Variants in PLCL1 observed in about 807,000 individuals in gnomAD.
PLCL1 encodes the protein inactive phospholipase C-like protein 1.
In PLCL1, 41 loss-of-function variants were observed where a neutral mutation model predicts 84.4. That is an observed-to-expected ratio of 0.49 (90% CI 0.38 to 0.63). The LOEUF is 0.63. Among genes scored for constraint, PLCL1 ranks in the 30% least tolerant of loss-of-function variants. The pLI, the probability that PLCL1 is intolerant of heterozygous loss-of-function variation, is 0.00. For synonymous variants in PLCL1, 490 were observed against 488.3 expected, an observed-to-expected ratio of 1.00 and a Z score of -0.05; for missense variants, 1,206 against 1,367.8, an observed-to-expected ratio of 0.88 and a Z score of 1.87.
intron 1 of PLCL1, among the ~76,000 whole-genome samples, chr2:197,819,240 G>A (rs940611201): frequency 1.2e-4 from 19 of 152,068 alleles, no homozygotes; most frequent in African/African-American, 4.6e-4. Flanking sequence ...AAAGGGAGAA[G>A]TGGGTAGAGT....
intron 1 of PLCL1, among the ~76,000 whole-genome samples, chr2:198,082,308 G>A (rs1692733958): frequency 6.6e-6 from 1 of 152,112 alleles, no homozygotes; most frequent in Non-Finnish European, 1.5e-5. Context: ...CAAGAACATG[G>A]TGGCACGTTC....
At chr2:198,119,886 G>A (rs1034515372) in intron 5 of PLCL1, among the ~76,000 whole-genome samples, 1 of 151,916 alleles carries the variant, frequency 6.6e-6, no homozygotes, top group Admixed American at 6.6e-5. Flanking sequence ...AAGATGATGC[G>A]ACTAACTAGT....
At chr2:197,987,884 A>G (rs1690250073) in intron 1 of PLCL1, among the ~76,000 whole-genome samples, 1 of 152,210 alleles carries the variant, frequency 6.6e-6, no homozygotes, top group African/African-American at 2.4e-5. Context: ...TGTAAACTGA[A>G]TGAATGAATT....
chr2:198,088,313 T>C (rs1339854056), intron 2 of PLCL1, among the ~76,000 whole-genome samples: 1 of 152,210 alleles, frequency 6.6e-6, no homozygotes, highest in African/African-American at 2.4e-5. Flanking sequence ...TACTGTTCAC[T>C]GTGGGTGAAA....
chr2:198,087,891 C>T (rs2105900866), intron 2 of PLCL1, among the ~76,000 whole-genome samples: 1 of 152,244 alleles, frequency 6.6e-6, no homozygotes, highest in African/African-American at 2.4e-5. Flanking sequence ...CATTATCATT[C>T]ATGTGCAGAA....
In PLCL1 at chr2:198,082,813, T is replaced by C. The variant is rs77858375; in HGVS notation, c.241-945T>C. On this transcript the variant is annotated intron_variant, in intron 1 of 5. Coordinates refer to ENST00000428675, the MANE Select transcript of PLCL1 (RefSeq NM_006226.4). ...AGGACGATAGGTGAGAAGGCCTAGA[T>C]ACAATCAAGAAGGAAACAGCCTCAA... Among the ~76,000 whole-genome samples, 986 of 152,250 alleles carry C rather than the reference T, an allele frequency of 6.5e-3. 10 individuals carry two copies. Among genetic ancestry groups the C allele is most frequent in the African/African-American group, 0.023 (938 of 41,546 alleles).
chr2:197,872,044 A>G (rs866382438), intron 1 of PLCL1, among the ~76,000 whole-genome samples: 2 of 152,148 alleles, frequency 1.3e-5, no homozygotes, highest in African/African-American at 2.4e-5. Context: ...TGTAGACACT[A>G]AATTCCAGTC....
intron 1 of PLCL1, among the ~76,000 whole-genome samples, chr2:197,867,777 G>T (rs543405836): frequency 6.6e-6 from 1 of 152,094 alleles, no homozygotes; most frequent in Non-Finnish European, 1.5e-5. Context: ...GATTTCTAGC[G>T]TGGCTCACTG....
chr2:197,939,343 C>A (rs1030019825), intron 1 of PLCL1, among the ~76,000 whole-genome samples: 1 of 152,112 alleles, frequency 6.6e-6, no homozygotes, highest in Non-Finnish European at 1.5e-5. Context: ...GGGTTGCCTC[C>A]GCAATTACAA....
In PLCL1 at chr2:198,055,781, A is replaced by G. The variant is rs541825012; in HGVS notation, c.241-27977A>G. Reference sequence around the variant, plus strand: ...CTTTTTCTTTCCTTTTAAATAAATGATGAAAGCTCCAGTGCTGTCATAAAA... The same window carrying G: ...CTTTTTCTTTCCTTTTAAATAAATGGTGAAAGCTCCAGTGCTGTCATAAAA... On this transcript the variant is annotated intron_variant, in intron 1 of 5. Transcript: ENST00000428675. Among the ~76,000 whole-genome samples, 4 of 152,290 alleles carry G rather than the reference A, an allele frequency of 2.6e-5. No individual in the cohort carries two copies. In the East Asian group the frequency reaches 7.7e-4, roughly 29 times the overall value.
At chr2:197,874,683 CTT>C (rs764125078) in intron 1 of PLCL1, among the ~76,000 whole-genome samples, 14 of 152,164 alleles carry the variant, frequency 9.2e-5, no homozygotes, top group Admixed American at 4.6e-4. Context: ...ATTTAATAGA[CTT>C]TTGTGTTATG....
intron 1 of PLCL1, among the ~76,000 whole-genome samples, chr2:198,035,558 G>T (rs1434910812): frequency 6.6e-6 from 1 of 152,100 alleles, no homozygotes; most frequent in African/African-American, 2.4e-5. Flanking sequence ...ATGTCAAAAG[G>T]ACACACGAGC....
chr2:197,862,734 G>A (rs962823885), intron 1 of PLCL1, among the ~76,000 whole-genome samples: 4 of 152,142 alleles, frequency 2.6e-5, no homozygotes, highest in Admixed American at 6.6e-5. Flanking sequence ...CCTGAGATTA[G>A]ATCTGTTTAG....
chr2:198,108,789 G>C (rs1370724669), intron 5 of PLCL1, among the ~76,000 whole-genome samples: 3 of 151,900 alleles, frequency 2.0e-5, no homozygotes, highest in African/African-American at 7.2e-5. Flanking sequence ...ACCTACGTGG[G>C]TCCAGTATAG....
chr2:197,924,599 A>T (rs1688797812), intron 1 of PLCL1, among the ~76,000 whole-genome samples: 1 of 152,062 alleles, frequency 6.6e-6, no homozygotes, highest in Non-Finnish European at 1.5e-5. Context: ...TAGACCAGGG[A>T]ACTGAAGTAC....
chr2:197,992,343 C>T (rs981027518), intron 1 of PLCL1, among the ~76,000 whole-genome samples: 4 of 152,106 alleles, frequency 2.6e-5, no homozygotes, highest in African/African-American at 9.7e-5. Context: ...TGGCTCACTG[C>T]AGCCTTGACC....
intron 1 of PLCL1, among the ~76,000 whole-genome samples, chr2:197,849,548 GAAATTAAA>G (rs1251984123): frequency 1.3e-5 from 2 of 152,108 alleles, no homozygotes; most frequent in Admixed American, 6.5e-5. Context: ...TAGAATAATG[GAAATTAAA>G]AAATAAATAT....
intron 5 of PLCL1, among the ~76,000 whole-genome samples, chr2:198,111,659 A>G (rs886662141): frequency 6.6e-6 from 1 of 151,872 alleles, no homozygotes; most frequent in East Asian, 1.9e-4. Flanking sequence ...ATTTACTCTT[A>G]TTATACCCAT....
chr2:197,908,348 T>C (rs1688422004), intron 1 of PLCL1, among the ~76,000 whole-genome samples: 1 of 152,244 alleles, frequency 6.6e-6, no homozygotes, highest in African/African-American at 2.4e-5. Context: ...TACATATTTC[T>C]AGCAAAAGAG....
Sources: allele counts gnomAD v4.1 joint callset (sites outside exome capture counted in the v4.1 genomes callset), GRCh38; gene constraint gnomAD v4.1.1; transcripts MANE v1.5; gene names NCBI Gene and HGNC (gene_info 2026-07-23, HGNC 2026-07-21).